ADCY9: variants seen among roughly 807,000 people sequenced by gnomAD.
ADCY9 encodes adenylate cyclase 9, also known as adenylate cyclase type 9.
A neutral mutation model predicts 101.5 loss-of-function variants in ADCY9; 50 were observed. That is an observed-to-expected ratio of 0.49 (90% CI 0.39 to 0.62). ADCY9 has a LOEUF of 0.62. Among genes scored for constraint, ADCY9 ranks in the 20% least tolerant of loss-of-function variants. ADCY9 has a pLI of 0.00. For synonymous variants in ADCY9, 905 were observed against 769.3 expected, an observed-to-expected ratio of 1.18 and a Z score of -2.92; for missense variants, 1,662 against 1,800.4, an observed-to-expected ratio of 0.92 and a Z score of 1.39.
At chr16:4,009,698 C>T (rs541025813) in intron 2 of ADCY9, among the ~76,000 whole-genome samples, 3 of 152,194 alleles carry the variant, frequency 2.0e-5, no homozygotes, top group Non-Finnish European at 2.9e-5. Context: ...AACTGGAATA[C>T]GACGCAGGAG....
intron 2 of ADCY9, among the ~76,000 whole-genome samples, chr16:4,059,135 C>T (rs2056758681): frequency 1.3e-5 from 2 of 151,806 alleles, no homozygotes; most frequent in Admixed American, 1.3e-4. Flanking sequence ...CCTTTAATCC[C>T]AGCACTCTGG....
chr16:4,019,703 A>G (rs1300618965), intron 2 of ADCY9, among the ~76,000 whole-genome samples: 2 of 152,202 alleles, frequency 1.3e-5, no homozygotes, highest in African/African-American at 2.4e-5. Context: ...GGAGAGATGG[A>G]AGTGGGCAGA....
At chr16:4,035,081 C>T (rs1487499407) in intron 2 of ADCY9, among the ~76,000 whole-genome samples, 4 of 152,194 alleles carry the variant, frequency 2.6e-5, no homozygotes, top group African/African-American at 4.8e-5. Flanking sequence ...ATGGATTAAA[C>T]GGAGATGTGA....
intron 3 of ADCY9, among the ~76,000 whole-genome samples, chr16:3,999,088 A>ACAGCTGCAGGCATCTCCACCCCTGCT (rs1435324915): frequency 2.6e-5 from 4 of 152,120 alleles, no homozygotes; most frequent in African/African-American, 7.2e-5. Flanking sequence ...CTCCCCCTGC[A>ACAGCTGCAGGCATCTCCACCCCTGCT]CAGCTGCAGG....
At position 3,964,836 on chromosome 16, in the gene ADCY9, C is replaced by G. The variant is rs1431631284; in HGVS notation, c.*939G>C. The stretch of plus-strand genomic sequence containing the variant: ...GCCCTCCCCTGTGGCTATGACCCCC[C>G]ACCCTGAGGACCCAGCACCCCTCCC... On this transcript the variant is annotated 3_prime_UTR_variant, in exon 11 of 11. Transcript: ENST00000294016. The G allele has an allele frequency of 6.6e-6, 1 of 152,284 alleles. No individual in the cohort carries two copies. The highest frequency in any genetic ancestry group is 1.9e-4 in the East Asian group (1 of 5,188). 9.4% of individuals were successfully genotyped at this position (152,284 alleles called of 1,614,324 possible). A position where few individuals can be genotyped will look rare whatever the true frequency, so the allele number is the denominator to read the frequency against.
intron 2 of ADCY9, among the ~76,000 whole-genome samples, chr16:4,094,374 G>A (rs1365850240): frequency 6.6e-6 from 1 of 152,144 alleles, no homozygotes; most frequent in African/African-American, 2.4e-5. Flanking sequence ...TGACAACCCT[G>A]TCCTTCAGAA....
At chr16:3,979,668 G>A (rs775390525) in intron 7 of ADCY9, among the ~76,000 whole-genome samples, 14 of 152,236 alleles carry the variant, frequency 9.2e-5, no homozygotes, top group East Asian at 1.9e-4. Flanking sequence ...CTTTGGAGGC[G>A]TCCTGGAATT....
chr16:3,967,114 T>G (rs2056006138), intron 10 of ADCY9, 148 bp from the exon 11 acceptor site: 4 of 660,680 alleles, frequency 6.1e-6, no homozygotes, highest in South Asian at 5.8e-5. Flanking sequence ...TTGGGCTGGC[T>G]GAAGGTATGG....
chr16:4,032,598 C>T (rs926774254), intron 2 of ADCY9, among the ~76,000 whole-genome samples: 5 of 148,986 alleles, frequency 3.4e-5, no homozygotes, highest in African/African-American at 1.2e-4. Context: ...CAACCTCTGC[C>T]TCCCTGGTTC....
At chr16:3,980,314 G>A (rs1234265225) in intron 7 of ADCY9, among the ~76,000 whole-genome samples, 2 of 152,210 alleles carry the variant, frequency 1.3e-5, no homozygotes, top group Non-Finnish European at 2.9e-5. Context: ...GCAGCTGAGT[G>A]TGCGGGCCAA....
chr16:3,968,777 T>C (rs546094663), intron 10 of ADCY9, among the ~76,000 whole-genome samples: 3 of 152,162 alleles, frequency 2.0e-5, no homozygotes, highest in African/African-American at 4.8e-5. Flanking sequence ...ATTTTAAATA[T>C]TGCACATTTA....
intron 5 of ADCY9, among the ~76,000 whole-genome samples, chr16:3,954,662 T>C (rs921760573): frequency 6.6e-6 from 1 of 151,824 alleles, no homozygotes; most frequent in African/African-American, 2.4e-5. Flanking sequence ...GCATCGCACG[T>C]TGATGCTGGG....
At chr16:4,097,556 T>TATATACA (rs2057015946) in intron 2 of ADCY9, among the ~76,000 whole-genome samples, 2 of 85,370 alleles carry the variant, frequency 2.3e-5, no homozygotes, top group African/African-American at 1.5e-4. Context: ...TATATATATT[T>TATATACA]TTTTTTTTTT....
chr16:3,994,426 A>C (rs1198895518), intron 3 of ADCY9, among the ~76,000 whole-genome samples: 1 of 152,082 alleles, frequency 6.6e-6, no homozygotes, highest in Non-Finnish European at 1.5e-5. Context: ...TATACTAAAA[A>C]CCACTGAACT....
intron 2 of ADCY9, among the ~76,000 whole-genome samples, chr16:4,020,979 A>G (rs1363080383): frequency 6.6e-6 from 1 of 152,220 alleles, no homozygotes; most frequent in African/African-American, 2.4e-5. Flanking sequence ...CACAACTCTA[A>G]TTTAGAGCCT....
chr16:4,063,068 C>G (rs186984072), intron 2 of ADCY9, among the ~76,000 whole-genome samples: 1 of 152,192 alleles, frequency 6.6e-6, no homozygotes, highest in Non-Finnish European at 1.5e-5. Context: ...GTGTACATAT[C>G]GCATTGTCTA....
chr16:4,031,998 T>A (rs1177059434), intron 2 of ADCY9: 1 of 150,586 alleles, frequency 6.6e-6, no homozygotes, highest in Non-Finnish European at 1.5e-5. Context: ...CACAGTTGGA[T>A]AAGAAAACCA....
chr16:3,995,855 T>C (rs2056282765), intron 3 of ADCY9, among the ~76,000 whole-genome samples: 1 of 152,176 alleles, frequency 6.6e-6, no homozygotes, highest in Non-Finnish European at 1.5e-5. Flanking sequence ...AATTTGAACA[T>C]TTGTATGCAT....
intron 3 of ADCY9, among the ~76,000 whole-genome samples, chr16:3,998,271 C>T (rs2056303122): frequency 6.6e-6 from 1 of 151,876 alleles, no homozygotes; most frequent in Non-Finnish European, 1.5e-5. Flanking sequence ...ATTAGCTGGG[C>T]ACAGTGGTGT....
Sources: allele counts gnomAD v4.1 joint callset (sites outside exome capture counted in the v4.1 genomes callset), GRCh38; gene constraint gnomAD v4.1.1; transcripts MANE v1.5; gene names NCBI Gene and HGNC (gene_info 2026-07-23, HGNC 2026-07-21).